The following ELFN2 variants were observed in gnomAD, a reference collection of about 807,000 sequenced individuals.
ELFN2 encodes the protein protein phosphatase 1 regulatory subunit 29.
ELFN2 carries 17 observed loss-of-function variants against 45.5 expected under a neutral mutation model. The ratio of observed to expected loss-of-function variants is 0.37; its 90% confidence interval spans 0.26 to 0.56. ELFN2 has a LOEUF of 0.56. Among genes scored for constraint, ELFN2 ranks in the 20% least tolerant of loss-of-function variants. The pLI is 0.77. For synonymous variants in ELFN2, 550 were observed against 551.5 expected (o/e 1.00, Z 0.04); for missense variants, 922 against 1,183.2 (o/e 0.78, Z 3.24).
rs1399588192 is a variant in ELFN2 at position 37,369,052 on chromosome 22, C to T, written c.*4020G>A. The T allele has an allele frequency of 2.0e-5, 3 of 152,190 alleles. No homozygotes were observed. Among genetic ancestry groups the T allele is most frequent in the African/African-American group, 4.8e-5 (2 of 41,400 alleles). The allele number at this position is 152,190 out of a possible 1,614,324, so 9.4% of individuals were successfully genotyped here. ...TAGGGAGCATTGTGTCTTATCCCTT[C>T]CCTGCACTTAGGCCCCTTATAAGCT... On this transcript the variant is annotated 3_prime_UTR_variant, in exon 3 of 3. Coordinates refer to ENST00000402918, the MANE Select transcript of ELFN2 (RefSeq NM_052906.5).
At chr22:37,418,379 T>C (rs941752471) in intron 1 of ELFN2, among the ~76,000 whole-genome samples, 1 of 151,862 alleles carries the variant, frequency 6.6e-6, no homozygotes, top group Admixed American at 6.6e-5. Flanking sequence ...GCCACAGGGC[T>C]TCTTTCAAGC....
chr22:37,347,284 T>C (rs1050579128), intron 1 of ELFN2, among the ~76,000 whole-genome samples: 5 of 152,096 alleles, frequency 3.3e-5, no homozygotes, highest in African/African-American at 1.2e-4. Context: ...TGGCCTCCCA[T>C]CTTCATTATT....
chr22:37,406,656 G>A (rs554223328), intron 2 of ELFN2, among the ~76,000 whole-genome samples: 6 of 152,348 alleles, frequency 3.9e-5, no homozygotes, highest in African/African-American at 1.4e-4. Context: ...CTTAATTTCT[G>A]AGCTAATCAG....
Position 37,373,274 on chromosome 22 carries a change from C to T in ELFN2, c.2261G>A (p.Gly754Glu). The change falls in exon 3 of 3, where the codon GGG becomes GAG. Residue 754 changes from glycine to glutamate, a missense_variant. Physicochemically the swap from Gly to Glu is moderately conservative, Grantham distance 98. This residue lies in a region of ELFN2 where 564 missense variants were observed against 642.8 expected (regional missense o/e 0.88). Coordinates refer to ENST00000402918, the MANE Select transcript of ELFN2 (RefSeq NM_052906.5). ...TGAGTACTCGGGGCTGGAGGAGTACCCTGAGTAGTAGTGTCTGGGGGAGAG... is the reference window on the plus strand; with the variant it reads ...TGAGTACTCGGGGCTGGAGGAGTACTCTGAGTAGTAGTGTCTGGGGGAGAG... ...SQLSPRHYYS[G>E]YSSSPEYSSE... The T allele has an allele frequency of 6.2e-7, 1 of 1,613,778 alleles. No homozygotes were observed. Among genetic ancestry groups the T allele is most frequent in the Non-Finnish European group, 8.5e-7 (1 of 1,179,940 alleles).
At chr22:37,379,464 G>A (rs752476050) in intron 2 of ELFN2, among the ~76,000 whole-genome samples, 10 of 152,284 alleles carry the variant, frequency 6.6e-5, no homozygotes, top group South Asian at 4.1e-4. Flanking sequence ...CAGGGCTCCC[G>A]TGCCCTGGCC....
chr22:37,341,394 G>A (rs1009995577), intron 2 of ELFN2, among the ~76,000 whole-genome samples: 1 of 152,186 alleles, frequency 6.6e-6, no homozygotes, highest in Non-Finnish European at 1.5e-5. Context: ...GAGCTAGGTG[G>A]GCTGTACCTG....
Position 37,373,520 on chromosome 22 carries a change from CTGT to C in ELFN2, c.2012_2014del (p.Asn671del), listed in dbSNP as rs1464673539. ...CACCAGCGGGAGCCGGTCCAGCGGG[CTGT>C]TGAGGGGGCTGCCCTTCTCGATGTA... On this transcript the variant is annotated inframe_deletion, in exon 3 of 3. Coordinates refer to ENST00000402918, the MANE Select transcript of ELFN2 (RefSeq NM_052906.5). 6.4e-7 allele frequency: 1 copy of C among 1,565,832 alleles called. No individual in the cohort carries two copies. The highest frequency in any genetic ancestry group is 8.6e-7 in the Non-Finnish European group (1 of 1,157,730).
intron 2 of ELFN2, among the ~76,000 whole-genome samples, chr22:37,389,632 G>A (rs1434093451): frequency 1.3e-5 from 2 of 152,114 alleles, no homozygotes; most frequent in African/African-American, 4.8e-5. Flanking sequence ...CTGAGGTGCG[G>A]ACGAGGAACA....
rs906105586 is a variant in ELFN2 at position 37,349,293 on chromosome 22, G to C, written n.149-6590C>G. On this transcript the variant is annotated intron_variant and non_coding_transcript_variant, in intron 1 of 2. Coordinates refer to ENST00000452946, the Ensembl canonical transcript of ELFN2. ...GGGATGAGGGTGGCCTGGTGGCCCTGCCCTGGACTCTCCCCACAGGGGCAG... is the reference window on the plus strand; with the variant it reads ...GGGATGAGGGTGGCCTGGTGGCCCTCCCCTGGACTCTCCCCACAGGGGCAG... 2.0e-5 allele frequency among the ~76,000 whole-genome samples: 3 copies of C among 151,292 alleles called. No individual in the cohort carries two copies. In the South Asian group the frequency reaches 6.2e-4, roughly 31 times the overall value.
chr22:37,351,233 C>T (rs1204734643), intron 1 of ELFN2, among the ~76,000 whole-genome samples: 1 of 149,102 alleles, frequency 6.7e-6, no homozygotes, highest in African/African-American at 2.4e-5. Flanking sequence ...CTCCCTCCTC[C>T]TCACTGTCTT....
At chr22:37,348,617 T>C (rs1163146284) in intron 1 of ELFN2, among the ~76,000 whole-genome samples, 1 of 150,490 alleles carries the variant, frequency 6.6e-6, no homozygotes, top group Admixed American at 6.6e-5. Flanking sequence ...TGTCCCACAC[T>C]CTTCCCCATG....
At chr22:37,398,815 G>A (rs190640813) in intron 2 of ELFN2, among the ~76,000 whole-genome samples, 54 of 152,076 alleles carry the variant, frequency 3.6e-4, no homozygotes, top group African/African-American at 1.2e-3. Flanking sequence ...CAGCTGGTGC[G>A]GGATCTCCTA....
intron 2 of ELFN2, among the ~76,000 whole-genome samples, chr22:37,391,086 C>G (rs1385241639): frequency 6.6e-6 from 1 of 152,220 alleles, no homozygotes; most frequent in Non-Finnish European, 1.5e-5. Context: ...AGCACGGCCT[C>G]CCGCAAGTGG....
chr22:37,384,611 TCC>T, intron 2 of ELFN2, among the ~76,000 whole-genome samples: 1 of 79,488 alleles, frequency 1.3e-5, no homozygotes, highest in Non-Finnish European at 2.4e-5. Context: ...TGACCCTGCC[TCC>T]CCCACCTGAC....
intron 1 of ELFN2, among the ~76,000 whole-genome samples, chr22:37,344,370 T>A (rs950019311): frequency 1.6e-4 from 25 of 151,650 alleles, no homozygotes; most frequent in African/African-American, 6.1e-4. Flanking sequence ...CAAATCTACA[T>A]GCGCACATAC....
At chr22:37,351,793 G>A (rs548258385) in intron 1 of ELFN2, among the ~76,000 whole-genome samples, 3 of 151,056 alleles carry the variant, frequency 2.0e-5, no homozygotes, top group South Asian at 4.2e-4. Flanking sequence ...CTGCCGCGGG[G>A]TCACTCCTGA....
chr22:37,373,208 T>C lies in ELFN2; in HGVS notation c.2327A>G (p.Tyr776Cys), dbSNP rs1031513097. 6.2e-7 allele frequency: 1 copy of C among 1,613,702 alleles called. No individual in the cohort carries two copies. Among genetic ancestry groups the C allele is most frequent in the Non-Finnish European group, 8.5e-7 (1 of 1,179,980 alleles). Residue 776 changes from tyrosine (Y) to cysteine (C), a missense_variant, in exon 3 of 3, where the codon TAC becomes TGC. Tyr to Cys is a radical substitution (Grantham distance 194, BLOSUM62 -2). Coordinates refer to ENST00000402918, the MANE Select transcript of ELFN2 (RefSeq NM_052906.5). ...CACCTCCTCCCGGTGGTGCTTCTTG[T>C]AGGGCCGGAAGCGCTCCCAGATCTT... ...THKIWERFRPYKKHHREEVYM... is the reference protein window; with the variant it reads ...THKIWERFRPCKKHHREEVYM...
At chr22:37,413,617 A>C (rs988424302) in intron 2 of ELFN2, among the ~76,000 whole-genome samples, 9 of 151,848 alleles carry the variant, frequency 5.9e-5, no homozygotes, top group Non-Finnish European at 1.2e-4. Flanking sequence ...AACACTGGGG[A>C]GGAGGCCTCA....
intron 1 of ELFN2, among the ~76,000 whole-genome samples, chr22:37,359,223 T>C (rs1931022641): frequency 6.6e-6 from 1 of 152,174 alleles, no homozygotes; most frequent in Non-Finnish European, 1.5e-5. Flanking sequence ...CTGGTCCAAA[T>C]GAGGAAGGGA....
Sources: allele counts gnomAD v4.1 joint callset (sites outside exome capture counted in the v4.1 genomes callset), GRCh38; gene constraint gnomAD v4.1.1; regional missense constraint gnomAD v4.1.1; transcripts MANE v1.5; gene names NCBI Gene and HGNC (gene_info 2026-07-23, HGNC 2026-07-21).